CCDC102B: variants seen among roughly 807,000 people sequenced by gnomAD.
The protein encoded by CCDC102B is coiled-coil domain-containing protein 102B.
A neutral mutation model predicts 57.4 loss-of-function variants in CCDC102B; 75 were observed. The ratio of observed to expected loss-of-function variants is 1.31; its 90% CI spans 1.08 to 1.58. CCDC102B has a LOEUF of 1.58. CCDC102B is among the 40% of genes most tolerant of loss of function. CCDC102B has a pLI of 0.00. For synonymous variants in CCDC102B, 206 were observed against 201.9 expected, an observed-to-expected ratio of 1.02 and a Z score of -0.17; for missense variants, 636 against 582.6, an observed-to-expected ratio of 1.09 and a Z score of -0.94.
intron 6 of CCDC102B, among the ~76,000 whole-genome samples, chr18:68,986,357 G>A (rs894122183): frequency 7.9e-5 from 12 of 152,142 alleles, no homozygotes; most frequent in African/African-American, 2.9e-4. Flanking sequence ...ATCAATAAAT[G>A]TGATTTACCA....
chr18:68,924,728 T>C (rs1193342624), intron 6 of CCDC102B, among the ~76,000 whole-genome samples: 1 of 152,028 alleles, frequency 6.6e-6, no homozygotes, highest in Admixed American at 6.6e-5. Context: ...TGACATGGAC[T>C]CCCACCGTCT....
chr18:68,958,724 C>T (rs1357581429), intron 6 of CCDC102B, among the ~76,000 whole-genome samples: 2 of 152,110 alleles, frequency 1.3e-5, no homozygotes, highest in African/African-American at 4.8e-5. Context: ...TGTATTTACA[C>T]ATAGCCTGTC....
At chr18:68,757,004 C>G (rs918343296) in intron 2 of CCDC102B, among the ~76,000 whole-genome samples, 44 of 152,036 alleles carry the variant, frequency 2.9e-4, no homozygotes, top group African/African-American at 1.0e-3. Flanking sequence ...CAAGCCTCTG[C>G]TACAGTGTTA....
chr18:68,740,408 A>G (rs949851840), intron 2 of CCDC102B, among the ~76,000 whole-genome samples: 1 of 152,228 alleles, frequency 6.6e-6, no homozygotes, highest in Non-Finnish European at 1.5e-5. Flanking sequence ...AAATGATTAT[A>G]AAACTTAAAA....
chr18:68,844,612 A>G (rs1040910711), intron 3 of CCDC102B, among the ~76,000 whole-genome samples: 1 of 151,822 alleles, frequency 6.6e-6, no homozygotes, highest in African/African-American at 2.4e-5. Flanking sequence ...TAAATATTCT[A>G]TTTTATCACC....
chr18:68,952,147 T>C (rs1320603992), intron 6 of CCDC102B, among the ~76,000 whole-genome samples: 1 of 152,150 alleles, frequency 6.6e-6, no homozygotes, highest in East Asian at 1.9e-4. Context: ...GTTATACTAC[T>C]TTATAATCAA....
rs144415885 is a variant in CCDC102B at position 68,723,503 on chromosome 18, A to G, written c.-67+6909A>G. The stretch of plus-strand genomic sequence containing the variant: ...GCAAGGCAGTTACTTCCTACATACA[A>G]TGAGGGCGCAAGGATTGGATAAATA... On this transcript the variant is annotated intron_variant, in intron 2 of 3. Coordinates refer to the CCDC102B transcript ENST00000578970. Among the ~76,000 whole-genome samples the G allele has an allele frequency of 8.3e-4, 126 of 152,304 alleles. 1 individual carries two copies. In the East Asian group the frequency reaches 0.015, roughly 19 times the overall value.
intron 7 of CCDC102B, among the ~76,000 whole-genome samples, chr18:69,039,042 C>A (rs1217257749): frequency 6.6e-6 from 1 of 151,974 alleles, no homozygotes; most frequent in Non-Finnish European, 1.5e-5. Flanking sequence ...ACTAAAGGAC[C>A]ATTCAGACAG....
At chr18:69,046,986 T>G (rs1466858202) in intron 7 of CCDC102B, among the ~76,000 whole-genome samples, 1 of 152,156 alleles carries the variant, frequency 6.6e-6, no homozygotes, top group Non-Finnish European at 1.5e-5. Flanking sequence ...CCATGCTGTT[T>G]TGGTTACTGT....
chr18:68,959,173 G>A (rs896734062), intron 6 of CCDC102B, among the ~76,000 whole-genome samples: 1 of 152,096 alleles, frequency 6.6e-6, no homozygotes, highest in Non-Finnish European at 1.5e-5. Flanking sequence ...AAAGGGACTT[G>A]GGTGTTCCTG....
chr18:68,865,836 G>A (rs992448111), intron 4 of CCDC102B, among the ~76,000 whole-genome samples: 2 of 152,128 alleles, frequency 1.3e-5, no homozygotes, highest in Non-Finnish European at 2.9e-5. Flanking sequence ...AGACTGGTCA[G>A]CTTATAAATA....
intron 2 of CCDC102B, among the ~76,000 whole-genome samples, chr18:68,777,375 C>CCT (rs1435592729): frequency 6.6e-6 from 1 of 152,138 alleles, no homozygotes; most frequent in African/African-American, 2.4e-5. Context: ...GGCTTTCTCT[C>CCT]CTCTCTCTTA....
chr18:69,035,801 T>C (rs1289499634), intron 7 of CCDC102B, among the ~76,000 whole-genome samples: 1 of 152,172 alleles, frequency 6.6e-6, no homozygotes, highest in Non-Finnish European at 1.5e-5. Context: ...ACTGGCAAAT[T>C]GCCATGGATG....
At chr18:68,824,354 G>T (rs1050840411) in intron 1 of CCDC102B, among the ~76,000 whole-genome samples, 1 of 152,218 alleles carries the variant, frequency 6.6e-6, no homozygotes. Flanking sequence ...TCACAGATCG[G>T]ATGGTTGTAG....
At chr18:68,826,531 C>T (rs72951306) in intron 1 of CCDC102B, among the ~76,000 whole-genome samples, 16,160 of 151,958 alleles carry the variant, frequency 0.11, 1,050 homozygotes, top group East Asian at 0.31. Flanking sequence ...ACATATTATA[C>T]GTTAGAAGCA....
chr18:68,884,669 CAT>C (rs58987347), intron 5 of CCDC102B, among the ~76,000 whole-genome samples: 5,940 of 150,022 alleles, frequency 0.04, 198 homozygotes, highest in African/African-American at 0.08. Context: ...TATATACACA[CAT>C]ATATATATGT....
intron 6 of CCDC102B, among the ~76,000 whole-genome samples, chr18:68,925,648 G>T (rs143800467): frequency 1.3e-3 from 199 of 152,024 alleles, no homozygotes; most frequent in African/African-American, 4.7e-3. Flanking sequence ...AACATAAGTT[G>T]TTTCATTTTG....
intron 6 of CCDC102B, among the ~76,000 whole-genome samples, chr18:68,905,920 G>A (rs930191900): frequency 1.7e-4 from 25 of 149,490 alleles, no homozygotes; most frequent in East Asian, 1.2e-3. Context: ...CAGCCTCCCA[G>A]GTAGCTGGGA....
intron 2 of CCDC102B, among the ~76,000 whole-genome samples, chr18:68,732,405 G>A (rs941685394): frequency 4.0e-5 from 6 of 151,632 alleles, no homozygotes; most frequent in African/African-American, 7.3e-5. Flanking sequence ...GAGTGCAGTG[G>A]CGTGATCTCA....
Sources: gnomAD v4.1 joint callset for allele counts (sites outside exome capture counted in the v4.1 genomes callset) on GRCh38, gnomAD v4.1.1 for gene constraint, MANE v1.5 for transcripts, NCBI Gene and HGNC (gene_info 2026-07-23, HGNC 2026-07-21) for gene names.